HEPACAM: variants seen among roughly 807,000 people sequenced by gnomAD.
HEPACAM encodes the protein hepatocyte cell adhesion molecule.
In HEPACAM, 18 loss-of-function variants were observed where a neutral mutation model predicts 38.3. That is an observed-to-expected ratio of 0.47 (90% CI 0.33 to 0.70). The LOEUF (loss-of-function observed/expected upper bound fraction) is 0.70, where lower values mean the gene tolerates loss of function less well. Ranked by LOEUF, HEPACAM falls within the 30% of genes least tolerant of loss-of-function variation. The pLI is 0.03. For synonymous variants in HEPACAM, 216 were observed against 243.1 expected, an observed-to-expected ratio of 0.89 and a Z score of 1.04; for missense variants, 466 against 563.0, an observed-to-expected ratio of 0.83 and a Z score of 1.74.
intron 6 of HEPACAM, among the ~76,000 whole-genome samples, chr11:124,922,176 A>G (rs1033959190): frequency 1.3e-5 from 2 of 152,226 alleles, no homozygotes; most frequent in African/African-American, 2.4e-5. Flanking sequence ...AGAGAATCCA[A>G]TGCCTGATGA....
In HEPACAM at chr11:124,926,256, G is replaced by A. The variant is rs979831720; in HGVS notation, c.86-1187C>T. Among the ~76,000 whole-genome samples the A allele has an allele frequency of 3.9e-5, 6 of 152,104 alleles. No individual in the cohort carries two copies. In the South Asian group the frequency reaches 1.0e-3, roughly 26 times the overall value. ...AGCAACTGCCTTATCAAGTTCACAG[G>A]ATTGGAAAGTACAATATGCATATTA... On this transcript the variant is annotated intron_variant, in intron 1 of 6. Transcript: ENST00000298251.
At chr11:124,934,607 C>A (rs919042991) in intron 1 of HEPACAM, among the ~76,000 whole-genome samples, 1 of 151,850 alleles carries the variant, frequency 6.6e-6, no homozygotes, top group Non-Finnish European at 1.5e-5. Flanking sequence ...TAAGGCAGAG[C>A]CCTCCCTAGA....
At chr11:124,934,410 T>C (rs1394656913) in intron 1 of HEPACAM, among the ~76,000 whole-genome samples, 1 of 151,550 alleles carries the variant, frequency 6.6e-6, no homozygotes, top group Non-Finnish European at 1.5e-5. Context: ...GTGAACTTAT[T>C]TGGCAATGGG....
intron 6 of HEPACAM, 77 bp downstream of exon 6, chr11:124,922,311 T>C: frequency 7.2e-7 from 1 of 1,397,310 alleles, no homozygotes; most frequent in Non-Finnish European, 1.0e-6. Context: ...GATAGGAATA[T>C]AGTATGGCTC....
Position 124,924,093 on chromosome 11 carries a change from A to C in HEPACAM, c.428-83T>G. ...CCTTTTTAGCTCCCTGCCTTCCAAC[A>C]CACCTTTAACACTACCTTCCAACTC... is the stretch of plus-strand genomic sequence containing the variant. On this transcript the variant is annotated intron_variant, in intron 2 of 6. Transcript: ENST00000298251. The surrounding 1 kb of genome is among the most constrained non-coding windows in gnomAD (Gnocchi z 4.4). The C allele has an allele frequency of 7.9e-7, 1 of 1,262,108 alleles. No individual in the cohort carries two copies. Among genetic ancestry groups the C allele is most frequent in the African/African-American group, 1.5e-5 (1 of 67,706 alleles). 78.2% of individuals were successfully genotyped at this position (1,262,108 alleles called of 1,614,324 possible).
At chr11:124,935,531 G>A (rs111883495) in intron 1 of HEPACAM, among the ~76,000 whole-genome samples, 1,968 of 152,034 alleles carry the variant, frequency 0.013, 45 homozygotes, top group African/African-American at 0.045. Context: ...AGCCAGAGTC[G>A]GGGGCTGGGG....
chr11:124,920,143 TCCC>T lies in HEPACAM; in HGVS notation c.*992_*994del. ...TGCTGGGAAGCAATAAGCCTCCTCCTCCCCCCACCATTTCTCTGGAGATTAGGA... is the reference window on the plus strand; with the variant it reads ...TGCTGGGAAGCAATAAGCCTCCTCCTCCCACCATTTCTCTGGAGATTAGGA... On this transcript the variant is annotated 3_prime_UTR_variant, in exon 7 of 7. Transcript: ENST00000298251. 9.1e-7 allele frequency: 1 copy of T among 1,095,900 alleles called. No individual in the cohort carries two copies. Among genetic ancestry groups the T allele is most frequent in the Non-Finnish European group, 1.3e-6 (1 of 756,230 alleles). 67.9% of individuals were successfully genotyped at this position (1,095,900 alleles called of 1,614,324 possible). A position where few individuals can be genotyped will look rare whatever the true frequency, so the allele number is the denominator to read the frequency against.
Position 124,921,019 on chromosome 11 carries a change from G to C in HEPACAM, c.*119C>G. ...ATACACGTTCACACCCGAGACACCA[G>C]CGCCCCCCCGGGACCTCCCCTCGTC... On this transcript the variant is annotated 3_prime_UTR_variant, in exon 7 of 7. Coordinates refer to ENST00000298251, the MANE Select transcript of HEPACAM (RefSeq NM_152722.5). The surrounding 1 kb of genome is among the most constrained non-coding windows in gnomAD (Gnocchi z 4.6). The C allele has an allele frequency of 1.4e-6, 2 of 1,401,540 alleles. No homozygotes were observed. The highest frequency in any genetic ancestry group is 3.0e-5 in the South Asian group (2 of 65,750). The allele number at this position is 1,401,540 out of a possible 1,614,324, so 86.8% of individuals were successfully genotyped here.
intron 1 of HEPACAM, among the ~76,000 whole-genome samples, chr11:124,929,431 A>G (rs1947257181): frequency 6.6e-6 from 1 of 152,192 alleles, no homozygotes; most frequent in Non-Finnish European, 1.5e-5. Flanking sequence ...TCTAGCCAAA[A>G]TCGTACTCTG....
rs1947122833 is a variant in HEPACAM at position 124,920,917 on chromosome 11, A to T, written c.*221T>A. On this transcript the variant is annotated 3_prime_UTR_variant, in exon 7 of 7. Coordinates refer to ENST00000298251, the MANE Select transcript of HEPACAM (RefSeq NM_152722.5). ...TACCAAGTGAGGACACAGCCAGTAA[A>T]CCGGAAGCAAATGCGACCCGGTTTC... 1.5e-6 allele frequency: 2 copies of T among 1,354,714 alleles called. No individual in the cohort carries two copies. Among genetic ancestry groups the T allele is most frequent in the Non-Finnish European group, 1.9e-6 (2 of 1,056,580 alleles). 83.9% of individuals were successfully genotyped at this position (1,354,714 alleles called of 1,614,324 possible).
At position 124,920,498 on chromosome 11, in the gene HEPACAM, T is replaced by C; in HGVS notation, c.*640A>G. ...CAGGTCAGAGGGAAAAGGAATGTAC[T>C]CGTACCCTTCCCTCACCACCTTGTA... On this transcript the variant is annotated 3_prime_UTR_variant, in exon 7 of 7. Coordinates refer to ENST00000298251, the MANE Select transcript of HEPACAM (RefSeq NM_152722.5). The C allele has an allele frequency of 6.7e-7, 1 of 1,499,042 alleles. No homozygotes were observed. Among genetic ancestry groups the C allele is most frequent in the Non-Finnish European group, 9.0e-7 (1 of 1,116,100 alleles). The allele number at this position is 1,499,042 out of a possible 1,614,324, so 92.9% of individuals were successfully genotyped here.
In HEPACAM at chr11:124,934,274, A is replaced by G. The variant is rs186731070; in HGVS notation, c.85+1648T>C. ...TTTCTCAACATGCCTCATTCCTTCT[A>G]TCTTTATTATAATTTCAGTCCATGT... On this transcript the variant is annotated intron_variant, in intron 1 of 6. Transcript: ENST00000298251. Among the ~76,000 whole-genome samples, 7 of 152,086 alleles carry G rather than the reference A, an allele frequency of 4.6e-5. No homozygotes were observed. In the East Asian group the frequency reaches 1.4e-3, roughly 29 times the overall value.
In HEPACAM at chr11:124,921,533, G is replaced by T; in HGVS notation, c.949-93C>A. On this transcript the variant is annotated intron_variant, in intron 6 of 6. Coordinates refer to ENST00000298251, the MANE Select transcript of HEPACAM (RefSeq NM_152722.5). The surrounding 1 kb of genome is among the most constrained non-coding windows in gnomAD (Gnocchi z 4.6). ...AGCTTGCTGGAATTCCGAGGGGAGG[G>T]ACCTAGTTTCCCTCTGCACGCCCAC... 3 of 836,730 alleles carry T rather than the reference G, an allele frequency of 3.6e-6. No homozygotes were observed. The highest frequency in any genetic ancestry group is 4.8e-6 in the Non-Finnish European group (3 of 628,246). The allele number at this position is 836,730 out of a possible 1,614,324, so 51.8% of individuals were successfully genotyped here.
rs202007726 is a variant in HEPACAM, at chr11:124,919,942, A to C, written c.*1196T>G. 6.2e-7 allele frequency: 1 copy of C among 1,613,956 alleles called. No individual in the cohort carries two copies. Among genetic ancestry groups the C allele is most frequent in the Admixed American group, 1.7e-5 (1 of 60,018 alleles). On this transcript the variant is annotated 3_prime_UTR_variant, in exon 7 of 7. Coordinates refer to ENST00000298251, the MANE Select transcript of HEPACAM (RefSeq NM_152722.5). ...CAGTAGATTACTGCCACTCCTATGA[A>C]CTGTTCAATAGGCGGTGGCATGGGC...
chr11:124,922,758 G>T lies in HEPACAM; in HGVS notation c.864C>A (p.Arg288=). Residue 288 remains arginine, a synonymous_variant, in exon 5 of 7, where the codon CGC becomes CGA. Transcript: ENST00000298251. ...CTGGGAGCTCACCTTCTGGTTTCAG[G>T]CGGTCATCATTCTGATCCATGTATT... ...SLEYMDQNDD[R]LKPEADTLPR... is the part of the protein sequence containing the mutation. 1 of 1,614,164 alleles carries T rather than the reference G, an allele frequency of 6.2e-7. No individual in the cohort carries two copies. The highest frequency in any genetic ancestry group is 8.5e-7 in the Non-Finnish European group (1 of 1,180,010).
In HEPACAM at chr11:124,935,806, C is replaced by T. The variant is rs532069997; in HGVS notation, c.85+116G>A. On this transcript the variant is annotated intron_variant, in intron 1 of 6. Coordinates refer to ENST00000298251, the MANE Select transcript of HEPACAM (RefSeq NM_152722.5). The stretch of plus-strand genomic sequence containing the variant: ...TTCCCTGACATGTTTCCCACGGCAG[C>T]TGAACTCTCCCCCACTCCTGCCCCA... 14 of 824,540 alleles carry T rather than the reference C, an allele frequency of 1.7e-5. No homozygotes were observed. The African/African-American group carries it at 2.0e-4, about 12-fold the overall frequency. The allele number at this position is 824,540 out of a possible 1,614,324, so 51.1% of individuals were successfully genotyped here. A position where few individuals can be genotyped will look rare whatever the true frequency, so the allele number is the denominator to read the frequency against.
chr11:124,932,112 A>C (rs1424343988), intron 1 of HEPACAM, among the ~76,000 whole-genome samples: 1 of 152,224 alleles, frequency 6.6e-6, no homozygotes, highest in Admixed American at 6.5e-5. Context: ...GAGGTGCCAA[A>C]ATATGCTGTT....
chr11:124,922,277 C>A (rs10893304), intron 6 of HEPACAM, 111 bp downstream of exon 6: 4 of 1,171,974 alleles, frequency 3.4e-6, no homozygotes, highest in Admixed American at 1.7e-5. Flanking sequence ...GTGCCAAAAC[C>A]GTTGGGGACT....
Position 124,927,513 on chromosome 11 carries a change from TTTTTTTTTTG to T in HEPACAM, c.86-2454_86-2445del, listed in dbSNP as rs1444193813. Among the ~76,000 whole-genome samples, 851 of 125,856 alleles carry T rather than the reference TTTTTTTTTTG, an allele frequency of 6.8e-3. 17 individuals are homozygous for T. The highest frequency in any genetic ancestry group is 0.026 in the African/African-American group (805 of 31,442). 82.6% of individuals were successfully genotyped at this position (125,856 alleles called of 152,430 possible). ...ATGTGCCACTATGCCCAGCTAGGTT[TTTTTTTTTTG>T]TTTTTTTTTTTTTGTATTTTTTTGT... On this transcript the variant is annotated intron_variant, in intron 1 of 6. Coordinates refer to ENST00000298251, the MANE Select transcript of HEPACAM (RefSeq NM_152722.5).
Sources: allele counts gnomAD v4.1 joint callset (sites outside exome capture counted in the v4.1 genomes callset), GRCh38; gene constraint gnomAD v4.1.1; non-coding constraint Gnocchi (gnomAD v3.1); transcripts MANE v1.5; gene names NCBI Gene and HGNC (gene_info 2026-07-23, HGNC 2026-07-21).